The following DPP6 variants were observed in gnomAD, a reference collection of about 807,000 sequenced individuals.
DPP6 encodes the protein A-type potassium channel modulatory protein DPP6.
A neutral mutation model predicts 122.6 loss-of-function variants in DPP6; 69 were observed. The observed-to-expected ratio is 0.56, with a 90% confidence interval of 0.46 to 0.69. The LOEUF is 0.69. DPP6 is among the 30% of genes least tolerant of loss of function. The pLI is 0.00. For missense variants in DPP6, 928 were observed against 1,116.9 expected (o/e 0.83, Z 2.41); for synonymous variants, 418 against 433.1 (o/e 0.97, Z 0.43).
chr7:154,748,503 C>A (rs766388265), intron 8 of DPP6, among the ~76,000 whole-genome samples: 1 of 152,164 alleles, frequency 6.6e-6, no homozygotes, highest in African/African-American at 2.4e-5. Context: ...CCAACACCCG[C>A]GGCACTAGAC....
chr7:154,682,527 G>A (rs567763267), intron 7 of DPP6, among the ~76,000 whole-genome samples: 15 of 152,322 alleles, frequency 9.8e-5, no homozygotes, highest in African/African-American at 3.1e-4. Context: ...GGCCTCAGAG[G>A]TTATTGTCTG....
chr7:154,757,716 G>C (rs62475823), intron 8 of DPP6, among the ~76,000 whole-genome samples: 12,412 of 152,260 alleles, frequency 0.082, 692 homozygotes, highest in Non-Finnish European at 0.12. Flanking sequence ...TGGCATAGTC[G>C]TGGTGAGCGC....
intron 1 of DPP6, among the ~76,000 whole-genome samples, chr7:153,931,358 G>A (rs1308307871): frequency 3.9e-5 from 6 of 152,162 alleles, no homozygotes; most frequent in African/African-American, 1.4e-4. Context: ...ATTCATCAGA[G>A]CATTTGCCAA....
chr7:154,627,355 C>G (rs1453037301), intron 5 of DPP6, among the ~76,000 whole-genome samples: 1 of 151,644 alleles, frequency 6.6e-6, no homozygotes, highest in Admixed American at 6.6e-5. Context: ...GCCACCATGT[C>G]CAGCTAATTT....
intron 10 of DPP6, among the ~76,000 whole-genome samples, chr7:154,776,591 G>A (rs555256663): frequency 2.0e-5 from 3 of 152,192 alleles, no homozygotes; most frequent in African/African-American, 4.8e-5. Flanking sequence ...CCTGTGGGGC[G>A]GGCCCTGGCT....
the DPP6 span, among the ~76,000 whole-genome samples, chr7:153,861,366 G>T: frequency 1.3e-5 from 2 of 152,138 alleles, no homozygotes; most frequent in Non-Finnish European, 2.9e-5. Flanking sequence ...TTTGGCCAAT[G>T]ACTTAATATA....
intron 1 of DPP6, among the ~76,000 whole-genome samples, chr7:154,349,634 G>T (rs1461754184): frequency 6.6e-6 from 1 of 152,206 alleles, no homozygotes; most frequent in Non-Finnish European, 1.5e-5. Flanking sequence ...TTGTCTCCTG[G>T]AGATTGTTGT....
At chr7:154,490,838 G>C (rs1420453573) in intron 3 of DPP6, among the ~76,000 whole-genome samples, 1 of 152,154 alleles carries the variant, frequency 6.6e-6, no homozygotes, top group South Asian at 2.1e-4. Flanking sequence ...TCTCACCAGT[G>C]ATAACATAGT....
At chr7:154,364,141 A>G (rs1053711746) in intron 1 of DPP6, among the ~76,000 whole-genome samples, 14 of 152,228 alleles carry the variant, frequency 9.2e-5, no homozygotes, top group African/African-American at 3.4e-4. Flanking sequence ...TATAAACACA[A>G]ATATAACCAG....
intron 1 of DPP6, among the ~76,000 whole-genome samples, chr7:154,165,096 G>A (rs28859017): frequency 0.047 from 7,032 of 148,660 alleles, 507 homozygotes; most frequent in African/African-American, 0.16. Flanking sequence ...ATGCTGGTGC[G>A]CTGCACCCAC....
intron 5 of DPP6, among the ~76,000 whole-genome samples, chr7:154,573,865 C>A (rs1831284969): frequency 6.6e-6 from 1 of 152,330 alleles, no homozygotes; most frequent in Non-Finnish European, 1.5e-5. Context: ...GGGCTCCTGT[C>A]CCTTGTAGAC....
chr7:154,665,254 A>G (rs1008341030), intron 6 of DPP6, among the ~76,000 whole-genome samples: 1 of 152,204 alleles, frequency 6.6e-6, no homozygotes, highest in Non-Finnish European at 1.5e-5. Context: ...AATGGGCTCC[A>G]GTGATGTTGG....
chr7:153,879,641 C>T, the DPP6 span, among the ~76,000 whole-genome samples: 7 of 152,082 alleles, frequency 4.6e-5, no homozygotes, highest in East Asian at 1.9e-4. Flanking sequence ...CCACCTGCGT[C>T]GGCCCTCAAA....
At chr7:154,443,794 T>C (rs993727725) in intron 1 of DPP6, among the ~76,000 whole-genome samples, 2 of 152,228 alleles carry the variant, frequency 1.3e-5, no homozygotes, top group African/African-American at 4.8e-5. Context: ...ATTGTGAACA[T>C]GCTTTTCCAT....
the DPP6 span, among the ~76,000 whole-genome samples, chr7:153,802,299 G>A: frequency 1.3e-5 from 2 of 152,122 alleles, no homozygotes; most frequent in African/African-American, 4.8e-5. Context: ...AGAAATAATA[G>A]CTCAATCCCA....
intron 1 of DPP6, among the ~76,000 whole-genome samples, chr7:154,197,628 T>C (rs1415704035): frequency 6.6e-6 from 1 of 152,210 alleles, no homozygotes; most frequent in Non-Finnish European, 1.5e-5. Context: ...AAAGGACAGT[T>C]GTAGGTGGTG....
chr7:154,325,464 C>G (rs1808366568), intron 1 of DPP6, among the ~76,000 whole-genome samples: 1 of 152,156 alleles, frequency 6.6e-6, no homozygotes, highest in Non-Finnish European at 1.5e-5. Context: ...GACTTTAAAC[C>G]TTTATTTCAA....
chr7:154,290,552 G>A (rs942916149), intron 1 of DPP6, among the ~76,000 whole-genome samples: 1 of 151,454 alleles, frequency 6.6e-6, no homozygotes, highest in Non-Finnish European at 1.5e-5. Context: ...TGAGGCAGGA[G>A]AATCCCTTGG....
At chr7:154,136,330 G>A (rs1023103648) in intron 1 of DPP6, among the ~76,000 whole-genome samples, 2 of 151,974 alleles carry the variant, frequency 1.3e-5, no homozygotes, top group Non-Finnish European at 2.9e-5. Flanking sequence ...AGCCTTCCCT[G>A]GTGTTCCCAA....
Sources: allele counts gnomAD v4.1 joint callset (sites outside exome capture counted in the v4.1 genomes callset), GRCh38; gene constraint gnomAD v4.1.1; transcripts MANE v1.5; gene names NCBI Gene and HGNC (gene_info 2026-07-23, HGNC 2026-07-21).